The following MACROD2 variants were observed in gnomAD, a reference collection of about 807,000 sequenced individuals.
MACROD2 encodes ADP-ribose glycohydrolase MACROD2.
In MACROD2, 36 loss-of-function variants were observed where a neutral mutation model predicts 70.4. The ratio of observed to expected loss-of-function variants is 0.51; its 90% CI spans 0.39 to 0.68. The LOEUF is 0.68. MACROD2 is among the 30% of genes least tolerant of loss of function. MACROD2 has a pLI of 0.00. For synonymous variants in MACROD2, 172 were observed against 178.8 expected (o/e 0.96, Z 0.30); for missense variants, 496 against 538.4 (o/e 0.92, Z 0.78).
At chr20:15,678,608 C>T (rs183329420) in intron 8 of MACROD2, among the ~76,000 whole-genome samples, 2 of 152,106 alleles carry the variant, frequency 1.3e-5, no homozygotes, top group African/African-American at 4.8e-5. Flanking sequence ...ATCCGCCTGG[C>T]AAGGCCCTAT....
intron 5 of MACROD2, among the ~76,000 whole-genome samples, chr20:15,128,260 G>A (rs971806739): frequency 1.3e-5 from 2 of 152,068 alleles, no homozygotes; most frequent in Non-Finnish European, 2.9e-5. Context: ...TTTTACAGTA[G>A]GTGGTTTTAA....
At chr20:16,011,344 C>T (rs926655914) in intron 15 of MACROD2, among the ~76,000 whole-genome samples, 7 of 152,302 alleles carry the variant, frequency 4.6e-5, no homozygotes, top group African/African-American at 1.4e-4. Context: ...TTAACCACAC[C>T]GTTTGGCTGA....
chr20:14,860,363 G>T (rs1428441500), intron 5 of MACROD2, among the ~76,000 whole-genome samples: 4 of 151,912 alleles, frequency 2.6e-5, no homozygotes, highest in Non-Finnish European at 5.9e-5. Flanking sequence ...TTTTGGATAA[G>T]CAAAGCAATC....
chr20:14,372,850 G>C (rs566495228), intron 3 of MACROD2, among the ~76,000 whole-genome samples: 7 of 152,190 alleles, frequency 4.6e-5, no homozygotes, highest in African/African-American at 1.7e-4. Flanking sequence ...AGATTTCATT[G>C]GTTCTGTTTG....
At chr20:14,212,038 G>C (rs2081575749) in intron 3 of MACROD2, among the ~76,000 whole-genome samples, 1 of 152,112 alleles carries the variant, frequency 6.6e-6, no homozygotes, top group South Asian at 2.1e-4. Flanking sequence ...CTAAATTACT[G>C]TCTGAATACA....
chr20:14,393,188 TCACAATACATGTGAAA>T (rs1432070902), intron 3 of MACROD2, among the ~76,000 whole-genome samples: 3 of 152,132 alleles, frequency 2.0e-5, no homozygotes, highest in African/African-American at 7.2e-5. Context: ...AGATATGGTT[TCACAATACATGTGAAA>T]CACATTTAGG....
chr20:14,977,297 ATTTTTT>A (rs777982225), intron 5 of MACROD2, among the ~76,000 whole-genome samples: 2,099 of 130,008 alleles, frequency 0.016, 34 homozygotes, highest in Admixed American at 0.041. Flanking sequence ...TAACACCTTG[ATTTTTT>A]TTTTTTTTTT....
chr20:15,556,263 A>G (rs2048167660), intron 8 of MACROD2, among the ~76,000 whole-genome samples: 1 of 152,224 alleles, frequency 6.6e-6, no homozygotes, highest in African/African-American at 2.4e-5. Flanking sequence ...GTTGTGTGAG[A>G]GGCTCGTTCA....
intron 5 of MACROD2, among the ~76,000 whole-genome samples, chr20:14,770,085 A>T (rs567482046): frequency 1.3e-5 from 2 of 151,938 alleles, no homozygotes; most frequent in Non-Finnish European, 2.9e-5. Context: ...TTTTGGTATT[A>T]AAATATATAT....
intron 5 of MACROD2, among the ~76,000 whole-genome samples, chr20:14,792,436 G>T (rs2072461708): frequency 6.6e-6 from 1 of 151,900 alleles, no homozygotes; most frequent in Non-Finnish European, 1.5e-5. Context: ...TCATTATTTT[G>T]GGCTCAGTAC....
chr20:15,992,812 A>C (rs903055670), intron 15 of MACROD2, among the ~76,000 whole-genome samples: 3 of 152,216 alleles, frequency 2.0e-5, no homozygotes, highest in African/African-American at 7.2e-5. Flanking sequence ...TTGCAGAAAC[A>C]AAAGATGACT....
intron 5 of MACROD2, among the ~76,000 whole-genome samples, chr20:14,975,418 C>T (rs150629145): frequency 6.6e-6 from 1 of 152,002 alleles, no homozygotes; most frequent in East Asian, 1.9e-4. Context: ...CAGGCTGGGG[C>T]GGGCAGGTGG....
At chr20:15,373,691 C>T (rs1457497786) in intron 6 of MACROD2, among the ~76,000 whole-genome samples, 1 of 152,174 alleles carries the variant, frequency 6.6e-6, no homozygotes, top group African/African-American at 2.4e-5. Context: ...ACATGAGCCA[C>T]TGCACCCAGC....
At chr20:16,012,629 C>T (rs904054279) in intron 15 of MACROD2, among the ~76,000 whole-genome samples, 11 of 152,024 alleles carry the variant, frequency 7.2e-5, no homozygotes, top group Admixed American at 3.9e-4. Context: ...AGAATGAAGC[C>T]GAAGCAGAAT....
chr20:15,306,840 C>T (rs973069479), intron 6 of MACROD2, among the ~76,000 whole-genome samples: 3 of 151,912 alleles, frequency 2.0e-5, no homozygotes, highest in Admixed American at 6.6e-5. Flanking sequence ...AAGGAGTAAC[C>T]GAGACTGGAT....
chr20:15,692,987 TTC>T (rs1277121351), intron 8 of MACROD2, among the ~76,000 whole-genome samples: 1 of 152,150 alleles, frequency 6.6e-6, no homozygotes, highest in East Asian at 1.9e-4. Context: ...CTTCCCACTC[TTC>T]TCTCTCTCTC....
intron 5 of MACROD2, among the ~76,000 whole-genome samples, chr20:14,722,574 T>G (rs1306824791): frequency 6.6e-6 from 1 of 152,204 alleles, no homozygotes; most frequent in Non-Finnish European, 1.5e-5. Flanking sequence ...TAGTAAGCAG[T>G]AAGTAAATGG....
At chr20:14,818,455 G>A (rs1600694932) in intron 5 of MACROD2, among the ~76,000 whole-genome samples, 1 of 152,176 alleles carries the variant, frequency 6.6e-6, no homozygotes, top group East Asian at 1.9e-4. Context: ...ATATAGAAAA[G>A]GGAGGAGTCA....
Position 14,322,407 on chromosome 20 carries a change from C to CTTT in MACROD2, c.272-171060_272-171058dup, listed in dbSNP as rs201800951. 9.9e-4 allele frequency among the ~76,000 whole-genome samples: 133 copies of CTTT among 134,304 alleles called. 1 individual carries two copies. The highest frequency in any genetic ancestry group is 3.8e-3 in the South Asian group (16 of 4,266). The allele number at this position is 134,304 out of a possible 152,430, so 88.1% of individuals were successfully genotyped here. ...TGACTGGAAAATATCAATATAATCT[C>CTTT]TTTTTTTTTTTTTTGCTTTTTATAA... On this transcript the variant is annotated intron_variant, in intron 3 of 17. Coordinates refer to ENST00000684519, the MANE Select transcript of MACROD2 (RefSeq NM_001351661.2).
Sources: gnomAD v4.1 joint callset for allele counts (sites outside exome capture counted in the v4.1 genomes callset) on GRCh38, gnomAD v4.1.1 for gene constraint, MANE v1.5 for transcripts, NCBI Gene and HGNC (gene_info 2026-07-23, HGNC 2026-07-21) for gene names.